Variants in DIP2C observed in about 807,000 individuals in gnomAD.
The protein encoded by DIP2C is DIP2 acetate--CoA ligase C (putative), also known as disco-interacting protein 2 homolog C.
DIP2C carries 33 observed loss-of-function variants against 192.4 expected under a neutral mutation model. The ratio of observed to expected loss-of-function variants is 0.17; its 90% CI spans 0.13 to 0.23. The LOEUF (loss-of-function observed/expected upper bound fraction) is 0.23, where lower values mean the gene tolerates loss of function less well. Among genes scored for constraint, DIP2C ranks in the 10% least tolerant of loss-of-function variants. The pLI is 1.00. For synonymous variants in DIP2C, 979 were observed against 864.1 expected, an observed-to-expected ratio of 1.13 and a Z score of -2.33; for missense variants, 1,537 against 2,110.1, an observed-to-expected ratio of 0.73 and a Z score of 5.32.
chr10:635,516 G>T (rs1340490560), intron 1 of DIP2C, among the ~76,000 whole-genome samples: 1 of 152,242 alleles, frequency 6.6e-6, no homozygotes, highest in Non-Finnish European at 1.5e-5. Context: ...GGCGTTGAGG[G>T]CCCATGGGGG....
rs563536926 is a variant in DIP2C at position 476,977 on chromosome 10, A to G, written c.158-4428T>C. On this transcript the variant is annotated intron_variant, in intron 2 of 36. Coordinates refer to ENST00000280886, the MANE Select transcript of DIP2C (RefSeq NM_014974.3). ...AGGATGGGCTCGGGAAATAATTCTG[A>G]ACCCTCAGGGCTCCCACAGAGGGCT... is the stretch of plus-strand genomic sequence containing the variant. Among the ~76,000 whole-genome samples, 6 of 149,984 alleles carry G rather than the reference A, an allele frequency of 4.0e-5. No homozygotes were observed. In the East Asian group the frequency reaches 1.2e-3, roughly 30 times the overall value.
chr10:433,532 A>T (rs1367045229), intron 4 of DIP2C, among the ~76,000 whole-genome samples: 2 of 152,090 alleles, frequency 1.3e-5, no homozygotes, highest in Non-Finnish European at 2.9e-5. Flanking sequence ...GAAAAAAAAA[A>T]TAGCCAGGCA....
At chr10:588,246 C>T (rs987432041) in intron 1 of DIP2C, among the ~76,000 whole-genome samples, 4 of 151,358 alleles carry the variant, frequency 2.6e-5, no homozygotes, top group Non-Finnish European at 5.9e-5. Context: ...ACATCCACAC[C>T]AGCCACTGCT....
rs56287209 is a variant in DIP2C, at chr10:370,068, T to G, written c.1992-435A>C. 247 of 983,708 alleles carry G rather than the reference T, an allele frequency of 2.5e-4. 1 individual carries two copies. The African/African-American group carries it at 4.1e-3, about 16-fold the overall frequency. The allele number at this position is 983,708 out of a possible 1,614,324, so 60.9% of individuals were successfully genotyped here. ...ACTCCAAGAATGCAGACAAAACCAC[T>G]GAACAGCAATGATGGAAATCCTGAC... On this transcript the variant is annotated intron_variant, in intron 17 of 36. Coordinates refer to ENST00000280886, the MANE Select transcript of DIP2C (RefSeq NM_014974.3).
At chr10:411,282 A>C (rs566959049) in intron 8 of DIP2C, among the ~76,000 whole-genome samples, 11 of 152,372 alleles carry the variant, frequency 7.2e-5, no homozygotes, top group South Asian at 4.1e-4. Flanking sequence ...TCCACAGAGG[A>C]GGCAGAGGAA....
intron 1 of DIP2C, among the ~76,000 whole-genome samples, chr10:552,267 C>T (rs1407175827): frequency 6.6e-6 from 1 of 152,200 alleles, no homozygotes; most frequent in Non-Finnish European, 1.5e-5. Context: ...TATAATCTAT[C>T]ATATCAAGAT....
intron 19 of DIP2C, among the ~76,000 whole-genome samples, chr10:365,866 G>C (rs185918002): frequency 6.6e-6 from 1 of 152,200 alleles, no homozygotes; most frequent in African/African-American, 2.4e-5. Flanking sequence ...AGCCGTAAAG[G>C]GGCTCTAGTT....
chr10:578,290 C>T (rs1377980896), intron 1 of DIP2C, among the ~76,000 whole-genome samples: 1 of 152,156 alleles, frequency 6.6e-6, no homozygotes, highest in African/African-American at 2.4e-5. Flanking sequence ...TCATGAAGAA[C>T]ACAAGGCAGT....
intron 1 of DIP2C, among the ~76,000 whole-genome samples, chr10:578,284 G>A (rs529704212): frequency 2.0e-5 from 3 of 152,286 alleles, no homozygotes; most frequent in Non-Finnish European, 4.4e-5. Context: ...GCTACATCAT[G>A]AAGAACACAA....
chr10:378,372 CAA>C (rs2132852907), intron 17 of DIP2C, among the ~76,000 whole-genome samples: 2 of 152,346 alleles, frequency 1.3e-5, no homozygotes, highest in South Asian at 4.1e-4. Context: ...CACATCAACA[CAA>C]ACACGAAAAC....
At chr10:417,547 C>T (rs1025369261) in intron 6 of DIP2C, among the ~76,000 whole-genome samples, 2 of 152,234 alleles carry the variant, frequency 1.3e-5, no homozygotes, top group Non-Finnish European at 2.9e-5. Flanking sequence ...TACGAAGGCA[C>T]AGTTGGGCTC....
intron 1 of DIP2C, among the ~76,000 whole-genome samples, chr10:570,560 T>C (rs11253244): frequency 0.18 from 26,828 of 152,120 alleles, 3,447 homozygotes; most frequent in African/African-American, 0.35. Context: ...CACACTTCAG[T>C]ACCTGCACCC....
intron 1 of DIP2C, among the ~76,000 whole-genome samples, chr10:555,259 T>G (rs1291006993): frequency 6.6e-6 from 1 of 152,094 alleles, no homozygotes; most frequent in African/African-American, 2.4e-5. Context: ...CACGGGCTCT[T>G]CTGGGCTCTT....
At chr10:560,366 G>A (rs527447830) in intron 1 of DIP2C, among the ~76,000 whole-genome samples, 2 of 151,734 alleles carry the variant, frequency 1.3e-5, no homozygotes, top group Non-Finnish European at 2.9e-5. Flanking sequence ...CAAGAGACAA[G>A]CTAAACACAA....
At chr10:527,910 G>A (rs1847151183) in intron 1 of DIP2C, among the ~76,000 whole-genome samples, 2 of 152,186 alleles carry the variant, frequency 1.3e-5, no homozygotes, top group South Asian at 4.1e-4. Context: ...CCATCCTCCA[G>A]GCCACGGCTA....
In DIP2C at chr10:380,929, T is replaced by C. The variant is rs145939558; in HGVS notation, c.1991+1718A>G. ...CAAAAACACGCATCTGTCCCAACCT[T>C]TCTGTGGCACACAACTGAAACCCCC... On this transcript the variant is annotated intron_variant, in intron 17 of 36. Transcript: ENST00000280886. 8.7e-4 allele frequency among the ~76,000 whole-genome samples: 132 copies of C among 152,360 alleles called. No individual in the cohort carries two copies. The East Asian group carries it at 0.013, about 15-fold the overall frequency.
At chr10:389,168 G>A (rs1337749582) in intron 13 of DIP2C, among the ~76,000 whole-genome samples, 1 of 151,254 alleles carries the variant, frequency 6.6e-6, no homozygotes, top group Non-Finnish European at 1.5e-5. Flanking sequence ...GGGTCTCAAA[G>A]GGCCTCAGGG....
Position 286,260 on chromosome 10 carries a change from A to C in DIP2C, c.4119+13T>G. 6.2e-7 allele frequency: 1 copy of C among 1,613,760 alleles called. No homozygotes were observed. Among genetic ancestry groups the C allele is most frequent in the Non-Finnish European group, 8.5e-7 (1 of 1,179,760 alleles). ...AGAAAAGTAACCTGGATCTCGGAGG[A>C]CACTCAACTCACCTCTCCAAGGTGT... On this transcript the variant is annotated intron_variant, in intron 34 of 36. Coordinates refer to ENST00000280886, the MANE Select transcript of DIP2C (RefSeq NM_014974.3).
chr10:477,906 G>A (rs1436068192), intron 2 of DIP2C, among the ~76,000 whole-genome samples: 6 of 113,930 alleles, frequency 5.3e-5, no homozygotes, highest in African/African-American at 1.8e-4. Flanking sequence ...AAAAGAGAGG[G>A]AAAGAAAAGA....
Sources: gnomAD v4.1 joint callset for allele counts (sites outside exome capture counted in the v4.1 genomes callset) on GRCh38, gnomAD v4.1.1 for gene constraint, MANE v1.5 for transcripts, NCBI Gene and HGNC (gene_info 2026-07-23, HGNC 2026-07-21) for gene names.